The following VPS13B variants were observed in gnomAD, a reference collection of about 807,000 sequenced individuals.
VPS13B encodes vacuolar protein sorting 13 homolog B.
VPS13B carries 285 observed loss-of-function variants against 426.4 expected under a neutral mutation model. The ratio of observed to expected loss-of-function variants is 0.67; its 90% CI spans 0.61 to 0.74. The LOEUF (loss-of-function observed/expected upper bound fraction) is 0.74. VPS13B is among the 30% of genes least tolerant of loss of function. The pLI is 0.00. For synonymous variants in VPS13B, 1,676 were observed against 1,676.4 expected, an observed-to-expected ratio of 1.00 and a Z score of 0.01; for missense variants, 4,537 against 4,782.6, an observed-to-expected ratio of 0.95 and a Z score of 1.51.
intron 35 of VPS13B, among the ~76,000 whole-genome samples, chr8:99,693,771 C>T (rs1438687176): frequency 4.7e-5 from 7 of 147,948 alleles, no homozygotes; most frequent in Middle Eastern, 3.5e-3. Flanking sequence ...TGTTTGCAGA[C>T]GACATGATTG....
Position 99,579,704 on chromosome 8 carries a change from T to C in VPS13B, c.5220+2071T>C, listed in dbSNP as rs533744893. Among the ~76,000 whole-genome samples, 53 of 151,200 alleles carry C rather than the reference T, an allele frequency of 3.5e-4. 1 individual carries two copies. In the South Asian group the frequency reaches 0.011, roughly 31 times the overall value. ...TGAGCCACCGCGCCTGGCCTTTCTT[T>C]CTTTCTTTCTTTTTTTTTTAACACG... On this transcript the variant is annotated intron_variant, in intron 33 of 61. Coordinates refer to ENST00000357162, the MANE Select transcript of VPS13B (RefSeq NM_152564.5).
intron 58 of VPS13B, among the ~76,000 whole-genome samples, chr8:99,863,529 C>T (rs1588799635): frequency 6.6e-6 from 1 of 152,102 alleles, no homozygotes; most frequent in Non-Finnish European, 1.5e-5. Flanking sequence ...GTGTGGCTGT[C>T]TCCACCCCAA....
chr8:99,393,401 T>C (rs1380544997), intron 21 of VPS13B, among the ~76,000 whole-genome samples: 1 of 152,106 alleles, frequency 6.6e-6, no homozygotes, highest in Non-Finnish European at 1.5e-5. Flanking sequence ...ACATAATTTC[T>C]CATCATTAAT....
chr8:99,028,384 C>CG (rs1181936553), intron 2 of VPS13B, among the ~76,000 whole-genome samples: 6 of 144,560 alleles, frequency 4.2e-5, no homozygotes, highest in South Asian at 4.4e-4. Context: ...GCTGGCCGGG[C>CG]GGGGGGCTGA....
At chr8:99,766,749 C>CTA (rs1462739097) in intron 39 of VPS13B, 25 bp from the exon 40 acceptor site, 2 of 1,600,914 alleles carry the variant, frequency 1.2e-6, no homozygotes, top group Middle Eastern at 1.7e-4. Flanking sequence ...TTTGCAACTT[C>CTA]TAAATTTTTT....
At chr8:99,129,000 A>G (rs967455695) in intron 8 of VPS13B, among the ~76,000 whole-genome samples, 2 of 152,100 alleles carry the variant, frequency 1.3e-5, no homozygotes, top group East Asian at 1.9e-4. Context: ...ACAAATAAAT[A>G]TTAAAGACTT....
chr8:99,293,557 T>C (rs1819858197), intron 19 of VPS13B, among the ~76,000 whole-genome samples: 1 of 118,062 alleles, frequency 8.5e-6, no homozygotes, highest in Non-Finnish European at 1.8e-5. Context: ...CTAATTAAAC[T>C]AAAGAGCTTC....
intron 19 of VPS13B, among the ~76,000 whole-genome samples, chr8:99,348,725 A>C (rs1811685948): frequency 6.6e-6 from 1 of 152,226 alleles, no homozygotes; most frequent in Admixed American, 6.5e-5. Context: ...GAACCACCTA[A>C]CAAATGCCTT....
chr8:99,688,629 A>G (rs1831517501), intron 35 of VPS13B, among the ~76,000 whole-genome samples: 1 of 152,036 alleles, frequency 6.6e-6, no homozygotes, highest in Non-Finnish European at 1.5e-5. Context: ...AGTTCAGGAG[A>G]AAATGGCGAC....
At chr8:99,337,047 T>G (rs1230343936) in intron 19 of VPS13B, among the ~76,000 whole-genome samples, 3 of 152,142 alleles carry the variant, frequency 2.0e-5, no homozygotes, top group Admixed American at 2.0e-4. Context: ...CATGCTGCTA[T>G]AGAGACACAT....
At chr8:99,522,251 G>T (rs1588460172) in intron 30 of VPS13B, among the ~76,000 whole-genome samples, 1 of 151,988 alleles carries the variant, frequency 6.6e-6, no homozygotes, top group Non-Finnish European at 1.5e-5. Context: ...ATTCTTTCAG[G>T]TGTCTTTATC....
At chr8:99,822,742 G>A (rs1814448330) in intron 50 of VPS13B, among the ~76,000 whole-genome samples, 1 of 152,038 alleles carries the variant, frequency 6.6e-6, no homozygotes, top group South Asian at 2.1e-4. Flanking sequence ...AACCCCCAAA[G>A]ACCTTTTGTT....
chr8:99,403,097 A>G (rs1588335984), intron 21 of VPS13B, among the ~76,000 whole-genome samples: 4 of 152,328 alleles, frequency 2.6e-5, no homozygotes, highest in Admixed American at 2.6e-4. Context: ...GCAAAGATGG[A>G]TCTTTTCTTC....
intron 23 of VPS13B, among the ~76,000 whole-genome samples, chr8:99,447,832 C>T (rs1311456094): frequency 6.6e-6 from 1 of 151,544 alleles, no homozygotes; most frequent in Admixed American, 6.6e-5. Flanking sequence ...AATAGAATTC[C>T]TCAGTTATGT....
chr8:99,152,635 T>G (rs1427988566), intron 14 of VPS13B, among the ~76,000 whole-genome samples: 3 of 152,200 alleles, frequency 2.0e-5, no homozygotes, highest in Non-Finnish European at 4.4e-5. Flanking sequence ...TCCTTGAAAT[T>G]TTATCACATT....
At chr8:99,209,811 T>G (rs1377970803) in intron 17 of VPS13B, 5 of 801,536 alleles carry the variant, frequency 6.2e-6, no homozygotes, top group African/African-American at 3.7e-5. Flanking sequence ...AGAAATTACA[T>G]TTGAAATAGT....
chr8:99,485,071 C>T (rs1279346022), intron 25 of VPS13B, among the ~76,000 whole-genome samples: 1 of 152,136 alleles, frequency 6.6e-6, no homozygotes, highest in East Asian at 1.9e-4. Context: ...AGGATTTACT[C>T]ACAACAGAGC....
chr8:99,853,917 G>A lies in VPS13B; in HGVS notation c.10528G>A (p.Asp3510Asn). The change falls in exon 56 of 62, where the codon GAC becomes AAC. Residue 3510 changes from aspartate (D) to asparagine (N), a missense_variant. This residue lies in a region of VPS13B where 4,311 missense variants were observed against 4,474.3 expected (regional missense o/e 0.96). Coordinates refer to ENST00000357162, the MANE Select transcript of VPS13B (RefSeq NM_152564.5). ...AAAACCTGCTCGGTTATACGTGGAAGACACATTTGTATACTACATCAAGAC... is the reference window on the plus strand; with the variant it reads ...AAAACCTGCTCGGTTATACGTGGAAAACACATTTGTATACTACATCAAGAC... ...ELKPARLYVE[D>N]TFVYYIKTLF... 1 of 1,614,230 alleles carries A rather than the reference G, an allele frequency of 6.2e-7. No individual in the cohort carries two copies. Among genetic ancestry groups the A allele is most frequent in the Non-Finnish European group, 8.5e-7 (1 of 1,180,054 alleles).
intron 19 of VPS13B, among the ~76,000 whole-genome samples, chr8:99,302,166 C>T (rs756695750): frequency 3.8e-4 from 58 of 152,282 alleles, no homozygotes; most frequent in Non-Finnish European, 7.2e-4. Flanking sequence ...TTTTCTGGCC[C>T]TTACTTGACT....
Sources: allele counts gnomAD v4.1 joint callset (sites outside exome capture counted in the v4.1 genomes callset), GRCh38; gene constraint gnomAD v4.1.1; regional missense constraint gnomAD v4.1.1; transcripts MANE v1.5; gene names NCBI Gene and HGNC (gene_info 2026-07-23, HGNC 2026-07-21).